Variants in PTPRD observed in about 807,000 individuals in gnomAD.
PTPRD encodes the protein receptor-type tyrosine-protein phosphatase delta.
Under a neutral mutation model 214.5 loss-of-function variants are expected in PTPRD, and 34 were observed. That is an observed-to-expected ratio of 0.16 (90% CI 0.12 to 0.21). The LOEUF (loss-of-function observed/expected upper bound fraction) is 0.21. Ranked by LOEUF, PTPRD falls within the 10% of genes least tolerant of loss-of-function variation. The probability of loss-of-function intolerance (pLI) is 1.00; values close to 1 mark genes in which losing one functional copy is unlikely to be tolerated. For synonymous variants in PTPRD, 1,128 were observed against 845.7 expected (o/e 1.33, Z -5.79); for missense variants, 2,545 against 2,398.7 (o/e 1.06, Z -1.27).
intron 12 of PTPRD, among the ~76,000 whole-genome samples, chr9:8,731,042 T>C (rs988846727): frequency 6.6e-6 from 1 of 152,210 alleles, no homozygotes; most frequent in African/African-American, 2.4e-5. Flanking sequence ...AAGACTATAA[T>C]TTTCTGCTGA....
intron 5 of PTPRD, among the ~76,000 whole-genome samples, chr9:9,911,109 A>C (rs2079061512): frequency 6.6e-6 from 1 of 151,782 alleles, no homozygotes; most frequent in Non-Finnish European, 1.5e-5. Context: ...TCTTTGGTTT[A>C]TTGTGTGGAT....
At chr9:8,597,632 T>C (rs1314255796) in intron 14 of PTPRD, among the ~76,000 whole-genome samples, 1 of 152,204 alleles carries the variant, frequency 6.6e-6, no homozygotes, top group Non-Finnish European at 1.5e-5. Context: ...TTCTGAACAC[T>C]TTTTGTTGGG....
At chr9:9,543,349 G>A (rs1285680467) in intron 8 of PTPRD, among the ~76,000 whole-genome samples, 1 of 151,636 alleles carries the variant, frequency 6.6e-6, no homozygotes, top group African/African-American at 2.4e-5. Flanking sequence ...TTTCCAGAGG[G>A]ATGCAAATGT....
chr9:10,549,537 T>C (rs899334395), intron 2 of PTPRD, among the ~76,000 whole-genome samples: 3 of 152,132 alleles, frequency 2.0e-5, no homozygotes, highest in African/African-American at 7.2e-5. Flanking sequence ...TTGGAGTATG[T>C]ACGTAGCAAT....
chr9:10,102,194 C>T (rs1305261012), intron 3 of PTPRD, among the ~76,000 whole-genome samples: 1 of 151,662 alleles, frequency 6.6e-6, no homozygotes, highest in African/African-American at 2.4e-5. Context: ...AAAATCACTA[C>T]TCATTCTCTC....
At chr9:9,470,129 G>A (rs1470903339) in intron 8 of PTPRD, among the ~76,000 whole-genome samples, 3 of 152,160 alleles carry the variant, frequency 2.0e-5, no homozygotes, top group Non-Finnish European at 4.4e-5. Context: ...AGGTCACAGT[G>A]GGTTGAATGA....
At chr9:9,555,875 T>C (rs1388104091) in intron 8 of PTPRD, among the ~76,000 whole-genome samples, 1 of 152,152 alleles carries the variant, frequency 6.6e-6, no homozygotes, top group Non-Finnish European at 1.5e-5. Context: ...CACCTGAAAG[T>C]TCAAAAGATT....
chr9:9,981,179 T>G lies in PTPRD; in HGVS notation c.-471-42569A>C, dbSNP rs151242123. The stretch of plus-strand genomic sequence containing the variant: ...ACTTATTGGCATAAATAAAATGCAG[T>G]GGATGTATACTATGGAAAAATCGGC... On this transcript the variant is annotated intron_variant, in intron 4 of 45. Transcript: ENST00000381196. 3.3e-5 allele frequency among the ~76,000 whole-genome samples: 5 copies of G among 152,250 alleles called. No homozygotes were observed. In the East Asian group the frequency reaches 7.7e-4, roughly 23 times the overall value.
chr9:8,382,962 T>C (rs142414767), intron 37 of PTPRD, among the ~76,000 whole-genome samples: 10 of 152,282 alleles, frequency 6.6e-5, no homozygotes, highest in African/African-American at 2.2e-4. Context: ...TCCATTAAAC[T>C]TACCGAACCT....
intron 39 of PTPRD, among the ~76,000 whole-genome samples, chr9:8,346,867 T>C (rs2073973403): frequency 6.6e-6 from 1 of 152,044 alleles, no homozygotes; most frequent in Non-Finnish European, 1.5e-5. Flanking sequence ...TATGTACAAT[T>C]GTGAAGAAGG....
chr9:9,487,661 T>C (rs1422335096), intron 8 of PTPRD, among the ~76,000 whole-genome samples: 1 of 152,192 alleles, frequency 6.6e-6, no homozygotes, highest in Non-Finnish European at 1.5e-5. Flanking sequence ...ATCATAATTA[T>C]TTATTGTAGA....
chr9:9,755,238 G>A (rs893024131), intron 6 of PTPRD, among the ~76,000 whole-genome samples: 3 of 151,974 alleles, frequency 2.0e-5, no homozygotes, highest in African/African-American at 7.2e-5. Flanking sequence ...GAACTTCCCA[G>A]TGTACCAAGG....
rs190404333 is a variant in PTPRD at position 9,730,673 on chromosome 9, A to C, written c.-287+3860T>G. 2.6e-5 allele frequency among the ~76,000 whole-genome samples: 4 copies of C among 152,240 alleles called. No individual in the cohort carries two copies. In the South Asian group the frequency reaches 8.3e-4, roughly 32 times the overall value. ...AAACTTACTAGGATAATAGTATCTCAGTATATATAGTCTTTAGAGTCCAAA... is the reference window on the plus strand; with the variant it reads ...AAACTTACTAGGATAATAGTATCTCCGTATATATAGTCTTTAGAGTCCAAA... On this transcript the variant is annotated intron_variant, in intron 7 of 45. Coordinates refer to ENST00000381196, the MANE Select transcript of PTPRD (RefSeq NM_002839.4).
intron 3 of PTPRD, among the ~76,000 whole-genome samples, chr9:10,289,341 C>T (rs543613660): frequency 6.6e-6 from 1 of 152,212 alleles, no homozygotes; most frequent in African/African-American, 2.4e-5. Flanking sequence ...TTTCAGTGAA[C>T]ATCTACTGAG....
At chr9:9,638,406 C>T (rs1282864704) in intron 7 of PTPRD, among the ~76,000 whole-genome samples, 7 of 152,202 alleles carry the variant, frequency 4.6e-5, no homozygotes, top group Middle Eastern at 3.2e-3. Context: ...AAGTTCTTTG[C>T]CACTTTATAA....
intron 7 of PTPRD, among the ~76,000 whole-genome samples, chr9:9,647,996 A>C (rs1336465448): frequency 6.6e-6 from 1 of 152,130 alleles, no homozygotes; most frequent in Non-Finnish European, 1.5e-5. Flanking sequence ...TTTTTTAAAA[A>C]CTATTCCTTA....
intron 4 of PTPRD, among the ~76,000 whole-genome samples, chr9:10,028,763 C>G (rs779080329): frequency 1.3e-5 from 2 of 152,130 alleles, no homozygotes; most frequent in Non-Finnish European, 2.9e-5. Context: ...TAAAGGCATT[C>G]AGTTTTATAA....
At chr9:10,371,864 ACTGTTG>A (rs2097630097) in intron 2 of PTPRD, among the ~76,000 whole-genome samples, 1 of 151,986 alleles carries the variant, frequency 6.6e-6, no homozygotes, top group African/African-American at 2.4e-5. Context: ...TGTACCTCTC[ACTGTTG>A]CTGGTAAAAC....
chr9:8,466,772 C>G (rs1458297675), intron 31 of PTPRD, among the ~76,000 whole-genome samples: 1 of 151,706 alleles, frequency 6.6e-6, no homozygotes, highest in Non-Finnish European at 1.5e-5. Context: ...TTGTCTTCAC[C>G]TTGATAAACA....
Sources: gnomAD v4.1 joint callset for allele counts (sites outside exome capture counted in the v4.1 genomes callset) on GRCh38, gnomAD v4.1.1 for gene constraint, MANE v1.5 for transcripts, NCBI Gene and HGNC (gene_info 2026-07-23, HGNC 2026-07-21) for gene names.